The following LNPEP variants were observed in gnomAD, a reference collection of about 807,000 sequenced individuals.
LNPEP encodes the protein leucyl-cystinyl aminopeptidase.
A neutral mutation model predicts 120.6 loss-of-function variants in LNPEP; 64 were observed. The ratio of observed to expected loss-of-function variants is 0.53; its 90% CI spans 0.43 to 0.65. LNPEP has a LOEUF of 0.65. LNPEP is among the 30% of genes least tolerant of loss of function. The pLI is 0.00. For missense variants in LNPEP, 1,057 were observed against 1,200.0 expected, an observed-to-expected ratio of 0.88 and a Z score of 1.76; for synonymous variants, 435 against 425.4, an observed-to-expected ratio of 1.02 and a Z score of -0.28.
chr5:96,970,340 A>G (rs1290065698), intron 1 of LNPEP, among the ~76,000 whole-genome samples: 1 of 152,080 alleles, frequency 6.6e-6, no homozygotes, highest in African/African-American at 2.4e-5. Flanking sequence ...GTTATTAGGT[A>G]TACATATTTA....
In LNPEP at chr5:96,985,769, T is replaced by TG. The variant is rs1226443473; in HGVS notation, c.999+551_999+552insG. ...GGGGGTCTTTTTTTGTTTTTTTTTT[T>TG]TTGGTCTTAGACACCTGAGGGACTG... On this transcript the variant is annotated intron_variant, in intron 3 of 17. Transcript: ENST00000231368. Among the ~76,000 whole-genome samples the TG allele has an allele frequency of 2.0e-5, 3 of 151,450 alleles. No homozygotes were observed. The East Asian group carries it at 5.8e-4, about 29-fold the overall frequency.
At chr5:96,985,766 T>G (rs1790227596) in intron 3 of LNPEP, among the ~76,000 whole-genome samples, 1 of 151,548 alleles carries the variant, frequency 6.6e-6, no homozygotes, top group Non-Finnish European at 1.5e-5. Context: ...TTGTTTTTTT[T>G]TTTTTGGTCT....
intron 1 of LNPEP, among the ~76,000 whole-genome samples, chr5:96,957,488 A>G (rs1789497337): frequency 6.6e-6 from 1 of 152,162 alleles, no homozygotes; most frequent in African/African-American, 2.4e-5. Context: ...CTTAAAATAA[A>G]GAGGTTATCC....
In LNPEP at chr5:96,979,129, G is replaced by A. The variant is rs1239119120; in HGVS notation, c.20-9G>A. ...CTCTGTGCCTTGTTCTTATGTTTTG[G>A]TTTTTTAGATCGGCTTCAGCTCCCC... On this transcript the variant is annotated splice_polypyrimidine_tract_variant and intron_variant, in intron 1 of 17. Transcript: ENST00000231368. 1 of 1,577,008 alleles carries A rather than the reference G, an allele frequency of 6.3e-7. No homozygotes were observed. The highest frequency in any genetic ancestry group is 1.9e-5 in the Admixed American group (1 of 52,966).
At position 97,035,653 on chromosome 5, in the gene LNPEP, T is replaced by C. The variant is rs540978929; in HGVS notation, c.*7120T>C. ...TTAAGGATGCAAGTGTGTAGATGCA[T>C]ATATATCATTTGCTTCTTTCTTCCG... On this transcript the variant is annotated 3_prime_UTR_variant, in exon 18 of 18. Coordinates refer to ENST00000231368, the MANE Select transcript of LNPEP (RefSeq NM_005575.3). 8.5e-5 allele frequency: 13 copies of C among 152,070 alleles called. No homozygotes were observed. The East Asian group carries it at 2.1e-3, about 25-fold the overall frequency. The allele number at this position is 152,070 out of a possible 1,614,324, so 9.4% of individuals were successfully genotyped here.
chr5:97,017,411 C>T (rs1177068330), intron 13 of LNPEP, among the ~76,000 whole-genome samples: 2 of 151,796 alleles, frequency 1.3e-5, no homozygotes, highest in Admixed American at 6.6e-5. Context: ...ATATCTTCTC[C>T]CACTCCATCT....
rs1168984975 is a variant in LNPEP, at chr5:96,954,618, CTATATATA to C, written c.19+18451_19+18458del. 3.5e-5 allele frequency among the ~76,000 whole-genome samples: 2 copies of C among 57,548 alleles called. 1 individual carries two copies. The highest frequency in any genetic ancestry group is 3.1e-4 in the Admixed American group (2 of 6,374). The allele number at this position is 57,548 out of a possible 152,430, so 37.8% of individuals were successfully genotyped here. ...TGCAAGTCTCTCTCTCTCTCTCTCT[CTATATATA>C]TATATACATATATACATATATACAT... On this transcript the variant is annotated intron_variant, in intron 1 of 17. Coordinates refer to ENST00000231368, the MANE Select transcript of LNPEP (RefSeq NM_005575.3).
At chr5:97,011,292 C>T (rs1790921011) in intron 11 of LNPEP, 1 of 634,400 alleles carries the variant, frequency 1.6e-6, no homozygotes, top group Non-Finnish European at 2.0e-6. Context: ...GTGGCATGAT[C>T]ATAGCTCACT....
chr5:96,983,241 G>A (rs1304723548), intron 2 of LNPEP, among the ~76,000 whole-genome samples: 1 of 152,114 alleles, frequency 6.6e-6, no homozygotes. Flanking sequence ...AAATGAGAGA[G>A]GCTACCACCT....
chr5:96,947,958 T>G (rs1398434209), intron 1 of LNPEP, among the ~76,000 whole-genome samples: 1 of 152,188 alleles, frequency 6.6e-6, no homozygotes. Flanking sequence ...TCACATTACT[T>G]TAGTAATTTG....
At chr5:96,954,464 C>A (rs1167779415) in intron 1 of LNPEP, among the ~76,000 whole-genome samples, 1 of 151,796 alleles carries the variant, frequency 6.6e-6, no homozygotes. Context: ...ATTTGTGGAG[C>A]AAAGACCTGG....
intron 6 of LNPEP, 90 bp from the exon 7 acceptor site, chr5:96,996,300 T>C (rs961428418): frequency 3.3e-5 from 24 of 736,704 alleles, no homozygotes; most frequent in Non-Finnish European, 5.9e-5. Flanking sequence ...AATCAGGTTA[T>C]AGATAATTAA....
At position 97,022,381 on chromosome 5, in the gene LNPEP, C is replaced by G; in HGVS notation, c.2458C>G (p.Arg820Gly). The change falls in exon 14 of 18, where the codon CGG becomes GGG. Residue 820 changes from arginine (R) to glycine (G), a missense_variant. By Grantham distance (125) the Arg-to-Gly change is moderately radical. Transcript: ENST00000231368. Reference sequence around the variant, plus strand: ...GGGCACTCCATCTATGCGAGAGCTTCGGTCAGCCCTGCTAGAGTTTGCTTG... The same window carrying G: ...GGGCACTCCATCTATGCGAGAGCTTGGGTCAGCCCTGCTAGAGTTTGCTTG... The part of the protein sequence containing the change: ...DEGTPSMREL[R>G]SALLEFACTH... The G allele has an allele frequency of 6.2e-7, 1 of 1,613,908 alleles. No individual in the cohort carries two copies. The highest frequency in any genetic ancestry group is 8.5e-7 in the Non-Finnish European group (1 of 1,179,804).
At chr5:96,980,992 C>A (rs144691135) in intron 2 of LNPEP, among the ~76,000 whole-genome samples, 144 of 152,230 alleles carry the variant, frequency 9.5e-4, no homozygotes, top group Non-Finnish European at 1.5e-3. Flanking sequence ...CATTTCAATT[C>A]TTGCGTGAGA....
At chr5:96,958,127 A>G (rs1485314718) in intron 1 of LNPEP, among the ~76,000 whole-genome samples, 1 of 152,258 alleles carries the variant, frequency 6.6e-6, no homozygotes, top group Admixed American at 6.5e-5. Flanking sequence ...ATGGAACAAT[A>G]TTAAAACAGA....
intron 6 of LNPEP, among the ~76,000 whole-genome samples, chr5:96,995,369 T>C (rs1031124138): frequency 6.6e-6 from 1 of 152,202 alleles, no homozygotes; most frequent in Non-Finnish European, 1.5e-5. Context: ...CTGACCAAAT[T>C]ACATATTTTA....
chr5:96,985,321 C>T, intron 3 of LNPEP, 103 bp downstream of exon 3: 1 of 921,534 alleles, frequency 1.1e-6, no homozygotes, highest in Non-Finnish European at 1.6e-6. Context: ...TGATTAAAAT[C>T]ATATACATTA....
intron 1 of LNPEP, among the ~76,000 whole-genome samples, chr5:96,938,632 C>T (rs778242606): frequency 6.6e-6 from 1 of 152,152 alleles, no homozygotes; most frequent in Non-Finnish European, 1.5e-5. Flanking sequence ...TTGTTGGGCC[C>T]TGCTCTCTAC....
intron 4 of LNPEP, among the ~76,000 whole-genome samples, chr5:96,990,527 A>G (rs1790366024): frequency 6.6e-6 from 1 of 152,220 alleles, no homozygotes; most frequent in Admixed American, 6.5e-5. Flanking sequence ...ATGGGAGTCT[A>G]TTTGTAATAA....
Sources: allele counts gnomAD v4.1 joint callset (sites outside exome capture counted in the v4.1 genomes callset), GRCh38; gene constraint gnomAD v4.1.1; transcripts MANE v1.5; gene names NCBI Gene and HGNC (gene_info 2026-07-23, HGNC 2026-07-21).